Variants in SIK2 observed in about 807,000 individuals in gnomAD.
SIK2 encodes the protein serine/threonine-protein kinase SIK2.
A neutral mutation model predicts 103.2 loss-of-function variants in SIK2; 29 were observed. The ratio of observed to expected loss-of-function variants is 0.28; its 90% CI spans 0.21 to 0.38. The LOEUF is 0.38. Ranked by LOEUF, SIK2 falls within the 10% of genes least tolerant of loss-of-function variation. SIK2 has a pLI of 1.00. For missense variants in SIK2, 879 were observed against 1,171.0 expected (o/e 0.75, Z 3.64); for synonymous variants, 412 against 446.1 (o/e 0.92, Z 0.96).
intron 4 of SIK2, among the ~76,000 whole-genome samples, chr11:111,699,735 A>G (rs1325169863): frequency 6.6e-6 from 1 of 152,194 alleles, no homozygotes; most frequent in African/African-American, 2.4e-5. Flanking sequence ...GTATGAATGG[A>G]GTGAGCTTAT....
chr11:111,701,427 GTC>G lies in SIK2; in HGVS notation c.604-21_604-20del. ...AGTGTTTGACGTTCTTGGTAGAAAA[GTC>G]TCTGCATTGTTTTCTTCCCTAGAGT... On this transcript the variant is annotated intron_variant, in intron 5 of 14. Coordinates refer to ENST00000304987, the MANE Select transcript of SIK2 (RefSeq NM_015191.3). This position sits in a 1 kb window ranked among gnomAD's most constrained non-coding sequence, Gnocchi z 4.2. 2 of 1,605,032 alleles carry G rather than the reference GTC, an allele frequency of 1.2e-6. No individual in the cohort carries two copies. The highest frequency in any genetic ancestry group is 1.7e-6 in the Non-Finnish European group (2 of 1,173,988).
intron 4 of SIK2, among the ~76,000 whole-genome samples, chr11:111,696,804 G>T (rs943758995): frequency 1.3e-5 from 2 of 152,180 alleles, no homozygotes; most frequent in African/African-American, 4.8e-5. Context: ...AATGAATGTG[G>T]TTAGTATGAT....
intron 2 of SIK2, among the ~76,000 whole-genome samples, chr11:111,619,076 CTAAT>C (rs1176586648): frequency 1.3e-5 from 2 of 152,110 alleles, no homozygotes; most frequent in African/African-American, 4.8e-5. Context: ...TTCTAAGAAA[CTAAT>C]TATATTCTTC....
rs2135992121 is a variant in SIK2 at position 111,727,695 on chromosome 11, A to G, written c.*3566A>G. On this transcript the variant is annotated 3_prime_UTR_variant, in exon 15 of 15. Transcript: ENST00000304987. The stretch of plus-strand genomic sequence containing the variant: ...GGGAAACGCTCACAGAATTCTGCCC[A>G]CGGGTTAGATGTGGGGAGAAGGATA... 1 of 152,904 alleles carries G rather than the reference A, an allele frequency of 6.5e-6. No homozygotes were observed. The highest frequency in any genetic ancestry group is 2.1e-4 in the South Asian group (1 of 4,846). 9.5% of individuals were successfully genotyped at this position (152,904 alleles called of 1,614,324 possible).
At chr11:111,696,920 C>G (rs1411870373) in intron 4 of SIK2, among the ~76,000 whole-genome samples, 1 of 152,178 alleles carries the variant, frequency 6.6e-6, no homozygotes, top group African/African-American at 2.4e-5. Flanking sequence ...TCACTATATG[C>G]ATTTAGGCAG....
chr11:111,682,890 A>C (rs1942794811), intron 3 of SIK2, among the ~76,000 whole-genome samples: 1 of 152,220 alleles, frequency 6.6e-6, no homozygotes, highest in African/African-American at 2.4e-5. Context: ...TAAATTAGCC[A>C]GTCTGTTGCA....
rs1339237266 is a variant in SIK2, at chr11:111,728,049, T to A, written c.*3920T>A. 6.6e-6 allele frequency: 1 copy of A among 152,192 alleles called. No homozygotes were observed. Among genetic ancestry groups the A allele is most frequent in the African/African-American group, 2.4e-5 (1 of 41,440 alleles). The allele number at this position is 152,192 out of a possible 1,614,324, so 9.4% of individuals were successfully genotyped here. A position where few individuals can be genotyped will look rare whatever the true frequency, so the allele number is the denominator to read the frequency against. On this transcript the variant is annotated 3_prime_UTR_variant, in exon 15 of 15. Coordinates refer to ENST00000304987, the MANE Select transcript of SIK2 (RefSeq NM_015191.3). ...GACCTCCTATAGAGACAATATGCAGTGTGTCATTTCACAGTCTCAGTCCCT... is the reference window on the plus strand; with the variant it reads ...GACCTCCTATAGAGACAATATGCAGAGTGTCATTTCACAGTCTCAGTCCCT...
intron 4 of SIK2, among the ~76,000 whole-genome samples, chr11:111,698,673 T>G (rs765594218): frequency 6.6e-6 from 1 of 152,198 alleles, no homozygotes; most frequent in Non-Finnish European, 1.5e-5. Flanking sequence ...ATCGTGCCAT[T>G]GCACTCTAGC....
intron 3 of SIK2, among the ~76,000 whole-genome samples, chr11:111,659,457 G>A (rs563592220): frequency 6.6e-6 from 1 of 152,204 alleles, no homozygotes; most frequent in Non-Finnish European, 1.5e-5. Flanking sequence ...GGCAGGCATC[G>A]TGGGAACCAG....
At chr11:111,607,443 T>C (rs1941663137) in intron 1 of SIK2, among the ~76,000 whole-genome samples, 1 of 152,186 alleles carries the variant, frequency 6.6e-6, no homozygotes, top group Non-Finnish European at 1.5e-5. Flanking sequence ...ATTATGATGT[T>C]TCTTGAAGAG....
chr11:111,681,101 G>GACAT (rs1942771801), intron 3 of SIK2, among the ~76,000 whole-genome samples: 1 of 152,218 alleles, frequency 6.6e-6, no homozygotes, highest in African/African-American at 2.4e-5. Context: ...TTAGGTAGCT[G>GACAT]TTGAAATGTC....
chr11:111,610,262 G>A (rs1941703247), intron 1 of SIK2, among the ~76,000 whole-genome samples: 1 of 152,136 alleles, frequency 6.6e-6, no homozygotes, highest in Non-Finnish European at 1.5e-5. Context: ...GGCCGAGGCG[G>A]GTGGATTGCT....
intron 3 of SIK2, among the ~76,000 whole-genome samples, chr11:111,635,486 G>A (rs75718988): frequency 0.04 from 66 of 1,650 alleles, 1 homozygote; most frequent in Non-Finnish European, 0.1. Context: ...GAGAGAGGGC[G>A]GAGGGAGGGA....
Position 111,722,330 on chromosome 11 carries a change from C to T in SIK2, c.2056-335C>T, listed in dbSNP as rs1232800954. 6.6e-6 allele frequency among the ~76,000 whole-genome samples: 1 copy of T among 152,202 alleles called. No individual in the cohort carries two copies. The highest frequency in any genetic ancestry group is 1.5e-5 in the Non-Finnish European group (1 of 68,038). ...TTAAAAAGCGATAAAGCATAGATCC[C>T]GTAAAGGATGAATCATTCATTCAGC... On this transcript the variant is annotated intron_variant, in intron 13 of 14. Coordinates refer to ENST00000304987, the MANE Select transcript of SIK2 (RefSeq NM_015191.3). This position sits in a 1 kb window ranked among gnomAD's most constrained non-coding sequence, Gnocchi z 4.4.
chr11:111,718,737 G>A (rs983786586), intron 9 of SIK2: 1 of 152,248 alleles, frequency 6.6e-6, no homozygotes, highest in Non-Finnish European at 1.5e-5. Flanking sequence ...AAAGGAAACA[G>A]TAGCTCTACC....
At chr11:111,640,682 C>G (rs143158220) in intron 3 of SIK2, among the ~76,000 whole-genome samples, 8 of 140,888 alleles carry the variant, frequency 5.7e-5, no homozygotes, top group Non-Finnish European at 1.2e-4. Flanking sequence ...CTACGGGAAA[C>G]TATGAGAAAA....
At chr11:111,672,097 T>C (rs1345011679) in intron 3 of SIK2, 1 of 486,810 alleles carries the variant, frequency 2.1e-6, no homozygotes, top group Non-Finnish European at 4.0e-6. Context: ...GTCAAGGGTC[T>C]TGATCTGCTC....
At chr11:111,645,805 G>GA (rs1555027374) in intron 3 of SIK2, among the ~76,000 whole-genome samples, 2,080 of 136,170 alleles carry the variant, frequency 0.015, 19 homozygotes, top group Middle Eastern at 0.061. Context: ...ACAAGAGCAA[G>GA]AAAAAAAAAA....
At position 111,657,113 on chromosome 11, in the gene SIK2, G is replaced by A. The variant is rs576339995; in HGVS notation, c.317-30888G>A. The stretch of plus-strand genomic sequence containing the variant: ...AAATGAGACATATTTACATAACAAA[G>A]CTTAAAGAGCAAGGCAGGATTTTTA... On this transcript the variant is annotated intron_variant, in intron 3 of 14. Coordinates refer to ENST00000304987, the MANE Select transcript of SIK2 (RefSeq NM_015191.3). Among the ~76,000 whole-genome samples the A allele has an allele frequency of 3.3e-5, 5 of 152,196 alleles. No homozygotes were observed. In the East Asian group the frequency reaches 9.6e-4, roughly 29 times the overall value.
Sources: gnomAD v4.1 joint callset for allele counts (sites outside exome capture counted in the v4.1 genomes callset) on GRCh38, gnomAD v4.1.1 for gene constraint, Gnocchi (gnomAD v3.1) non-coding constraint, MANE v1.5 for transcripts, NCBI Gene and HGNC (gene_info 2026-07-23, HGNC 2026-07-21) for gene names.